The following UNC79 variants were observed in gnomAD, a reference collection of about 807,000 sequenced individuals.
The protein encoded by UNC79 is protein unc-79 homolog.
UNC79 carries 37 observed loss-of-function variants against 283.1 expected under a neutral mutation model. The observed-to-expected ratio is 0.13, with a 90% confidence interval of 0.10 to 0.17. The LOEUF (loss-of-function observed/expected upper bound fraction) is 0.17. Among genes scored for constraint, UNC79 ranks in the 10% least tolerant of loss-of-function variants. The pLI is 1.00. For missense variants in UNC79, 2,272 were observed against 3,211.1 expected (o/e 0.71, Z 7.07); for synonymous variants, 1,107 against 1,200.2 (o/e 0.92, Z 1.61).
At chr14:93,463,429 C>T (rs952174949) in intron 1 of UNC79, among the ~76,000 whole-genome samples, 3 of 152,050 alleles carry the variant, frequency 2.0e-5, no homozygotes, top group Non-Finnish European at 4.4e-5. Flanking sequence ...AGGACTGTCG[C>T]TGGAGGGGAA....
chr14:93,671,159 T>C (rs976578460), intron 40 of UNC79, among the ~76,000 whole-genome samples: 3 of 152,154 alleles, frequency 2.0e-5, no homozygotes, highest in Admixed American at 6.5e-5. Context: ...TTCAAAGATA[T>C]ATTGCAGTGA....
intron 5 of UNC79, among the ~76,000 whole-genome samples, chr14:93,490,671 C>A (rs928326874): frequency 3.9e-5 from 6 of 152,174 alleles, no homozygotes; most frequent in Non-Finnish European, 7.3e-5. Context: ...CTTTTGCTGT[C>A]CGTATTTATA....
intron 4 of UNC79, among the ~76,000 whole-genome samples, chr14:93,487,164 T>C (rs1164660941): frequency 1.3e-5 from 2 of 152,230 alleles, no homozygotes; most frequent in African/African-American, 2.4e-5. Context: ...TTTTATAATA[T>C]GTGATTTAGA....
At chr14:93,478,678 A>G (rs143421731) in intron 4 of UNC79, among the ~76,000 whole-genome samples, 189 of 152,358 alleles carry the variant, frequency 1.2e-3, no homozygotes, top group African/African-American at 4.4e-3. Context: ...GTAAAATGCT[A>G]GCACAATGCC....
intron 1 of UNC79, among the ~76,000 whole-genome samples, chr14:93,379,779 G>A (rs2054630682): frequency 6.6e-6 from 1 of 151,966 alleles, no homozygotes. Flanking sequence ...GGTGACGGGT[G>A]CACCAAAATC....
intron 26 of UNC79, among the ~76,000 whole-genome samples, chr14:93,605,577 G>A (rs376882899): frequency 2.0e-5 from 3 of 152,284 alleles, no homozygotes; most frequent in African/African-American, 7.2e-5. Flanking sequence ...GTGACTCACT[G>A]GGAAGATTGT....
intron 40 of UNC79, among the ~76,000 whole-genome samples, chr14:93,672,840 A>G (rs2073007197): frequency 6.6e-6 from 1 of 152,216 alleles, no homozygotes; most frequent in South Asian, 2.1e-4. Flanking sequence ...GATTCCAAAA[A>G]AGGATGAATC....
chr14:93,601,627 G>A (rs2065513895), intron 25 of UNC79, among the ~76,000 whole-genome samples: 3 of 152,196 alleles, frequency 2.0e-5, no homozygotes, highest in Admixed American at 2.0e-4. Flanking sequence ...CCAGTAGTGG[G>A]ATTGCTGGAT....
intron 4 of UNC79, among the ~76,000 whole-genome samples, chr14:93,483,497 C>T (rs1291164786): frequency 6.7e-6 from 1 of 148,800 alleles, no homozygotes. Context: ...ATCTAGGATC[C>T]ATAAGGACAA....
At chr14:93,551,329 G>C (rs2061887942) in intron 14 of UNC79, among the ~76,000 whole-genome samples, 2 of 152,216 alleles carry the variant, frequency 1.3e-5, no homozygotes, top group South Asian at 4.1e-4. Context: ...GATTACAGGC[G>C]TAAGCCACCG....
At chr14:93,477,958 A>G (rs1483452672) in intron 4 of UNC79, among the ~76,000 whole-genome samples, 2 of 152,206 alleles carry the variant, frequency 1.3e-5, no homozygotes, top group Non-Finnish European at 2.9e-5. Flanking sequence ...ATCTTATAGA[A>G]TAGAAAAAAA....
chr14:93,409,087 T>C (rs983737309), intron 1 of UNC79, among the ~76,000 whole-genome samples: 31 of 152,212 alleles, frequency 2.0e-4, no homozygotes, highest in Admixed American at 3.9e-4. Context: ...TGTAGTAAGA[T>C]TGAATAATAA....
At chr14:93,657,269 T>C (rs1211917645) in intron 38 of UNC79, among the ~76,000 whole-genome samples, 1 of 151,876 alleles carries the variant, frequency 6.6e-6, no homozygotes, top group Non-Finnish European at 1.5e-5. Flanking sequence ...ACATGGAACC[T>C]CCTAGGACCC....
intron 1 of UNC79, among the ~76,000 whole-genome samples, chr14:93,465,271 A>G (rs2057127264): frequency 6.6e-6 from 1 of 152,166 alleles, no homozygotes; most frequent in South Asian, 2.1e-4. Context: ...TACTCTCTAT[A>G]TATCCTAAAG....
intron 1 of UNC79, among the ~76,000 whole-genome samples, chr14:93,393,443 G>A (rs776427083): frequency 1.3e-5 from 2 of 152,074 alleles, no homozygotes; most frequent in Non-Finnish European, 2.9e-5. Flanking sequence ...AATTAATGTA[G>A]GAAATAGGAT....
At chr14:93,594,662 A>G (rs1343681710) in intron 23 of UNC79, among the ~76,000 whole-genome samples, 3 of 152,190 alleles carry the variant, frequency 2.0e-5, no homozygotes, top group Non-Finnish European at 4.4e-5. Flanking sequence ...CAGCTTGGGT[A>G]TAATTTCCTA....
intron 1 of UNC79, among the ~76,000 whole-genome samples, chr14:93,364,041 C>T (rs899578468): frequency 6.6e-6 from 1 of 152,024 alleles, no homozygotes; most frequent in African/African-American, 2.4e-5. Context: ...TTTCTTTGTC[C>T]TTTTTGATCA....
intron 7 of UNC79, among the ~76,000 whole-genome samples, chr14:93,505,387 G>A (rs912854794): frequency 6.6e-5 from 10 of 152,026 alleles, no homozygotes; most frequent in Admixed American, 1.3e-4. Context: ...CCAGCTAATT[G>A]AAACTTTTAC....
chr14:93,350,055 G>C (rs1194599340), intron 1 of UNC79, among the ~76,000 whole-genome samples: 1 of 152,142 alleles, frequency 6.6e-6, no homozygotes, highest in Non-Finnish European at 1.5e-5. Context: ...TTCTAACTAA[G>C]AAAGGGTTAT....
Sources: allele counts gnomAD v4.1 joint callset (sites outside exome capture counted in the v4.1 genomes callset), GRCh38; gene constraint gnomAD v4.1.1; transcripts MANE v1.5; gene names NCBI Gene and HGNC (gene_info 2026-07-23, HGNC 2026-07-21).